The following DAB1 variants were observed in gnomAD, a reference collection of about 807,000 sequenced individuals.
The protein encoded by DAB1 is disabled homolog 1.
In DAB1, 15 loss-of-function variants were observed where a neutral mutation model predicts 64.6. That is an observed-to-expected ratio of 0.23 (90% CI 0.16 to 0.36). The LOEUF (loss-of-function observed/expected upper bound fraction) is 0.36, where lower values mean the gene tolerates loss of function less well. Among genes scored for constraint, DAB1 ranks in the 10% least tolerant of loss-of-function variants. The pLI, the probability that DAB1 is intolerant of heterozygous loss-of-function variation, is 1.00. For missense variants in DAB1, 596 were observed against 706.7 expected, an observed-to-expected ratio of 0.84 and a Z score of 1.78; for synonymous variants, 235 against 251.9, an observed-to-expected ratio of 0.93 and a Z score of 0.64.
At chr1:57,243,027 G>A (rs1668606178) in intron 2 of DAB1, among the ~76,000 whole-genome samples, 1 of 152,152 alleles carries the variant, frequency 6.6e-6, no homozygotes, top group Admixed American at 6.5e-5. Flanking sequence ...GAATTGACCT[G>A]AAATGGGTTG....
intron 6 of DAB1, among the ~76,000 whole-genome samples, chr1:57,653,611 T>C (rs1347593006): frequency 6.6e-6 from 1 of 152,068 alleles, no homozygotes; most frequent in African/African-American, 2.4e-5. Context: ...TCAGAATTAT[T>C]ACATTATTAT....
intron 1 of DAB1, among the ~76,000 whole-genome samples, chr1:57,883,741 G>A (rs1644180820): frequency 6.6e-6 from 1 of 152,152 alleles, no homozygotes; most frequent in Admixed American, 6.5e-5. Context: ...AAGTAACCCT[G>A]AATGGAACCA....
At chr1:57,570,393 CAT>C (rs35497839) in intron 7 of DAB1, among the ~76,000 whole-genome samples, 131,840 of 148,996 alleles carry the variant, frequency 0.88, 59,465 homozygotes, top group East Asian at 1. Context: ...TTAACAAACT[CAT>C]ATATATATAT....
chr1:57,809,453 A>G (rs964990670), intron 6 of DAB1, among the ~76,000 whole-genome samples: 2 of 152,240 alleles, frequency 1.3e-5, no homozygotes, highest in East Asian at 1.9e-4. Flanking sequence ...ATGTTACATT[A>G]AAACATAGCT....
intron 5 of DAB1, among the ~76,000 whole-genome samples, chr1:57,950,489 T>C (rs1419357454): frequency 6.6e-6 from 1 of 152,182 alleles, no homozygotes; most frequent in African/African-American, 2.4e-5. Flanking sequence ...CCACAGGGGA[T>C]ACTTCTAAAA....
At chr1:57,405,161 T>C (rs1683531669) in intron 1 of DAB1, among the ~76,000 whole-genome samples, 1 of 152,174 alleles carries the variant, frequency 6.6e-6, no homozygotes, top group Non-Finnish European at 1.5e-5. Context: ...TTAAGGCAGC[T>C]ATAGACTTAG....
At chr1:58,224,918 A>C (rs1003738366) in intron 4 of DAB1, among the ~76,000 whole-genome samples, 44 of 152,298 alleles carry the variant, frequency 2.9e-4, no homozygotes, top group African/African-American at 3.8e-4. Context: ...CTTCATGTCT[A>C]AAACACCAAA....
At chr1:58,474,331 T>A (rs1399578157) in intron 3 of DAB1, among the ~76,000 whole-genome samples, 1 of 152,218 alleles carries the variant, frequency 6.6e-6, no homozygotes, top group Non-Finnish European at 1.5e-5. Flanking sequence ...CCTTGAATCC[T>A]CAGTGGTTTC....
intron 9 of DAB1, among the ~76,000 whole-genome samples, chr1:57,049,450 C>CAAAAAAAA (rs574438911): frequency 0.016 from 384 of 24,562 alleles, 25 homozygotes; most frequent in African/African-American, 0.018. Context: ...GACTCCGTCT[C>CAAAAAAAA]AAAAAAAAAA....
At chr1:58,303,367 A>AG (rs1344200768) in intron 4 of DAB1, among the ~76,000 whole-genome samples, 1 of 152,164 alleles carries the variant, frequency 6.6e-6, no homozygotes, top group Non-Finnish European at 1.5e-5. Flanking sequence ...GTTTATCACC[A>AG]GTTCAAGGGA....
At chr1:58,186,143 C>T (rs1441343877) in intron 4 of DAB1, among the ~76,000 whole-genome samples, 1 of 152,208 alleles carries the variant, frequency 6.6e-6, no homozygotes, top group East Asian at 1.9e-4. Context: ...GGCAGGATCA[C>T]TAGTAAGACT....
intron 4 of DAB1, among the ~76,000 whole-genome samples, chr1:57,127,705 C>G (rs1161517940): frequency 6.6e-6 from 1 of 152,148 alleles, no homozygotes; most frequent in Non-Finnish European, 1.5e-5. Context: ...AGTGACCTAA[C>G]CTTCCTGAGT....
At chr1:57,408,710 G>A (rs1683860838) in intron 1 of DAB1, among the ~76,000 whole-genome samples, 2 of 152,296 alleles carry the variant, frequency 1.3e-5, no homozygotes, top group South Asian at 4.1e-4. Flanking sequence ...ATCCCAAACA[G>A]CAAGTGTCTC....
intron 5 of DAB1, among the ~76,000 whole-genome samples, chr1:57,938,485 G>A (rs928548900): frequency 1.3e-5 from 2 of 152,072 alleles, no homozygotes; most frequent in African/African-American, 2.4e-5. Context: ...GAGTTCTCAC[G>A]AAATCTGATG....
intron 7 of DAB1, among the ~76,000 whole-genome samples, chr1:57,445,043 G>A (rs1686086080): frequency 6.6e-6 from 1 of 151,932 alleles, no homozygotes; most frequent in Admixed American, 6.6e-5. Context: ...CAAAACAGTT[G>A]GTGCTCAAAT....
At chr1:57,365,009 T>A (rs986174076) in intron 1 of DAB1, among the ~76,000 whole-genome samples, 8 of 147,982 alleles carry the variant, frequency 5.4e-5, no homozygotes, top group African/African-American at 2.0e-4. Flanking sequence ...GCTTGAGAAA[T>A]GGGCACTGGG....
chr1:58,249,313 C>G (rs546846109), intron 4 of DAB1, among the ~76,000 whole-genome samples: 1 of 152,116 alleles, frequency 6.6e-6, no homozygotes, highest in Admixed American at 6.5e-5. Context: ...ACAGCTCCCC[C>G]CGCCCCGCCC....
intron 7 of DAB1, among the ~76,000 whole-genome samples, chr1:57,519,559 T>A (rs1053725861): frequency 5.9e-5 from 9 of 152,146 alleles, no homozygotes; most frequent in African/African-American, 2.2e-4. Context: ...CCCCTGTAAC[T>A]CCACATCAAA....
chr1:57,637,172 C>A (rs780437129), intron 7 of DAB1, among the ~76,000 whole-genome samples: 10 of 151,998 alleles, frequency 6.6e-5, no homozygotes, highest in Non-Finnish European at 1.3e-4. Context: ...TTGCTCTTCC[C>A]ATAACATATT....
Sources: gnomAD v4.1 joint callset for allele counts (sites outside exome capture counted in the v4.1 genomes callset) on GRCh38, gnomAD v4.1.1 for gene constraint, MANE v1.5 for transcripts, NCBI Gene and HGNC (gene_info 2026-07-23, HGNC 2026-07-21) for gene names.